The following C9 variants were observed in gnomAD, a reference collection of about 807,000 sequenced individuals.
The protein encoded by C9 is complement C9, also known as complement component C9.
Under a neutral mutation model 65.4 loss-of-function variants are expected in C9, and 63 were observed. The ratio of observed to expected loss-of-function variants is 0.96; its 90% CI spans 0.79 to 1.19. The LOEUF (loss-of-function observed/expected upper bound fraction) is 1.19, where lower values mean the gene tolerates loss of function less well. Ranked by LOEUF, C9 falls within the 50% of genes most tolerant of loss-of-function variation. C9 has a pLI of 0.00. For synonymous variants in C9, 229 were observed against 227.9 expected (o/e 1.00, Z -0.04); for missense variants, 744 against 670.1 (o/e 1.11, Z -1.22).
chr5:39,334,634 C>T (rs541279181), intron 4 of C9, among the ~76,000 whole-genome samples: 1 of 151,268 alleles, frequency 6.6e-6, no homozygotes, highest in South Asian at 2.1e-4. Flanking sequence ...TGCCTGGCCA[C>T]CCCTACTGGG....
At chr5:39,342,991 C>A (rs1164118077) in intron 1 of C9, among the ~76,000 whole-genome samples, 1 of 152,148 alleles carries the variant, frequency 6.6e-6, no homozygotes, top group Non-Finnish European at 1.5e-5. Flanking sequence ...CTACAAATTC[C>A]CTACCTCTAC....
At chr5:39,348,363 T>C in intron 1 of C9, among the ~76,000 whole-genome samples, 1 of 152,052 alleles carries the variant, frequency 6.6e-6, no homozygotes, top group South Asian at 2.1e-4. Flanking sequence ...GGGCAAAGGA[T>C]ATGAACAGAC....
rs566165845 is a variant in C9 at position 39,334,450 on chromosome 5, G to A, written c.477-2636C>T. Among the ~76,000 whole-genome samples, 605 of 144,912 alleles carry A rather than the reference G, an allele frequency of 4.2e-3. 11 individuals carry two copies. The highest frequency in any genetic ancestry group is 5.4e-3 in the Non-Finnish European group (366 of 67,654). On this transcript the variant is annotated intron_variant, in intron 4 of 10. Transcript: ENST00000263408. ...CGTCTGAGAAGTGAGGAGCCCCTCC[G>A]CCTGGCTGACACCCCATCTGGGAAG...
intron 4 of C9, among the ~76,000 whole-genome samples, chr5:39,332,812 T>C (rs1009139653): frequency 3.3e-5 from 5 of 152,236 alleles, no homozygotes; most frequent in African/African-American, 9.6e-5. Flanking sequence ...TGTAAACCCA[T>C]GGCTTATGCA....
At position 39,341,538 on chromosome 5, in the gene C9, T is replaced by C. The variant is rs753348218; in HGVS notation, c.328+18A>G. On this transcript the variant is annotated intron_variant, in intron 3 of 10. Coordinates refer to ENST00000263408, the MANE Select transcript of C9 (RefSeq NM_001737.5). The stretch of plus-strand genomic sequence containing the variant: ...GCACACAGAAAGCCACAATGAGCAA[T>C]TCAAGCACAAAGATTACCTGTACTG... The C allele has an allele frequency of 6.2e-7, 1 of 1,612,958 alleles. No individual in the cohort carries two copies. The highest frequency in any genetic ancestry group is 1.3e-5 in the African/African-American group (1 of 74,890).
chr5:39,330,770 A>T (rs1753825640), intron 5 of C9, among the ~76,000 whole-genome samples: 1 of 152,212 alleles, frequency 6.6e-6, no homozygotes, highest in African/African-American at 2.4e-5. Flanking sequence ...GAAAAAAAAC[A>T]TGCCAGTCAA....
chr5:39,342,277 T>C, intron 1 of C9, 81 bp from the exon 2 acceptor site: 2 of 776,100 alleles, frequency 2.6e-6, no homozygotes, highest in Non-Finnish European at 4.6e-6. Context: ...ACAGTTCATT[T>C]TGTACTTTAT....
At chr5:39,360,680 A>G (rs1754500038) in intron 1 of C9, among the ~76,000 whole-genome samples, 1 of 152,164 alleles carries the variant, frequency 6.6e-6, no homozygotes, top group Non-Finnish European at 1.5e-5. Flanking sequence ...TGGCCTTTCA[A>G]TGTATGAAAA....
At chr5:39,290,506 C>G (rs1433099016) in intron 9 of C9, among the ~76,000 whole-genome samples, 1 of 151,556 alleles carries the variant, frequency 6.6e-6, no homozygotes, top group Non-Finnish European at 1.5e-5. Context: ...CAAAAAAACC[C>G]CACAAATTCC....
chr5:39,343,967 C>A (rs1420006029), intron 1 of C9, among the ~76,000 whole-genome samples: 2 of 152,326 alleles, frequency 1.3e-5, no homozygotes, highest in African/African-American at 4.8e-5. Flanking sequence ...AGGATCATGA[C>A]TGCTAGAAGG....
At chr5:39,315,715 T>G in intron 6 of C9, 60 bp downstream of exon 6, 1 of 1,253,318 alleles carries the variant, frequency 8.0e-7, no homozygotes. Flanking sequence ...CTCAAAATAC[T>G]TAAAGAGTCT....
chr5:39,348,322 A>G (rs1439092816), intron 1 of C9, among the ~76,000 whole-genome samples: 2 of 152,218 alleles, frequency 1.3e-5, no homozygotes, highest in Admixed American at 1.3e-4. Context: ...ATAAATTTAC[A>G]AGAAAAAAGC....
At chr5:39,318,504 T>C (rs1461675360) in intron 5 of C9, among the ~76,000 whole-genome samples, 1 of 152,184 alleles carries the variant, frequency 6.6e-6, no homozygotes, top group Non-Finnish European at 1.5e-5. Flanking sequence ...TTTTCATATA[T>C]AGCTCTTACT....
In C9 at chr5:39,341,128, T is replaced by C. The variant is rs1229510592; in HGVS notation, c.476+18A>G. ...TTTCACTCATTTTCATCTGAAAAAGTACAAGTAAAATACACACCCATAGCC... is the reference window on the plus strand; with the variant it reads ...TTTCACTCATTTTCATCTGAAAAAGCACAAGTAAAATACACACCCATAGCC... On this transcript the variant is annotated intron_variant, in intron 4 of 10. Transcript: ENST00000263408. 6.2e-7 allele frequency: 1 copy of C among 1,613,750 alleles called. No individual in the cohort carries two copies. The highest frequency in any genetic ancestry group is 2.2e-5 in the East Asian group (1 of 44,874).
In C9 at chr5:39,364,408, G is replaced by A. The variant is rs1330093606; in HGVS notation, c.57C>T (p.Leu19=). Residue 19 remains leucine (L), a synonymous_variant, in exon 1 of 11, where the codon CTC becomes CTT. Coordinates refer to ENST00000263408, the MANE Select transcript of C9 (RefSeq NM_001737.5). The part of the protein sequence containing the change: ...VAICILEISI[L]TAQYTTSYDP... ...CTCACCTGGTCGTGTACTGTGCTGT[G>A]AGGATGCTTATTTCTAAAATGCAGA... 1.2e-6 allele frequency: 2 copies of A among 1,601,914 alleles called. No individual in the cohort carries two copies. The highest frequency in any genetic ancestry group is 1.7e-6 in the Non-Finnish European group (2 of 1,169,000).
intron 9 of C9, among the ~76,000 whole-genome samples, chr5:39,299,175 A>C (rs1168471847): frequency 1.3e-5 from 2 of 151,996 alleles, no homozygotes; most frequent in African/African-American, 4.8e-5. Flanking sequence ...GAAAATAAAG[A>C]AATCTCTATT....
intron 1 of C9, among the ~76,000 whole-genome samples, chr5:39,361,881 G>A (rs1754528078): frequency 6.6e-6 from 1 of 152,242 alleles, no homozygotes; most frequent in Non-Finnish European, 1.5e-5. Flanking sequence ...GCTGTGGCAT[G>A]AGATGTCTTC....
At chr5:39,298,779 ATAGT>A (rs1198190810) in intron 9 of C9, among the ~76,000 whole-genome samples, 1 of 151,910 alleles carries the variant, frequency 6.6e-6, no homozygotes, top group South Asian at 2.1e-4. Context: ...CCAAATAAAA[ATAGT>A]TAGGAGAAGA....
intron 5 of C9, among the ~76,000 whole-genome samples, chr5:39,317,717 C>G (rs1424222998): frequency 1.3e-5 from 2 of 152,150 alleles, no homozygotes; most frequent in Non-Finnish European, 2.9e-5. Context: ...TGTTTTTGCA[C>G]CAGTACCATG....
Sources: gnomAD v4.1 joint callset for allele counts (sites outside exome capture counted in the v4.1 genomes callset) on GRCh38, gnomAD v4.1.1 for gene constraint, MANE v1.5 for transcripts, NCBI Gene and HGNC (gene_info 2026-07-23, HGNC 2026-07-21) for gene names.